The following GTF2IRD1 variants were observed in gnomAD, a reference collection of about 807,000 sequenced individuals.
The protein encoded by GTF2IRD1 is general transcription factor II-I repeat domain-containing protein 1.
Under a neutral mutation model 113.2 loss-of-function variants are expected in GTF2IRD1, and 26 were observed. The ratio of observed to expected loss-of-function variants is 0.23; its 90% CI spans 0.17 to 0.32. The LOEUF (loss-of-function observed/expected upper bound fraction) is 0.32. Ranked by LOEUF, GTF2IRD1 falls within the 10% of genes least tolerant of loss-of-function variation. The pLI is 1.00. For missense variants in GTF2IRD1, 864 were observed against 1,280.8 expected (o/e 0.67, Z 4.97); for synonymous variants, 484 against 529.1 (o/e 0.91, Z 1.17).
chr7:74,557,511 G>C, intron 19 of GTF2IRD1, 128 bp from the exon 20 acceptor site: 1 of 626,222 alleles, frequency 1.6e-6, no homozygotes, highest in South Asian at 2.0e-5. Flanking sequence ...GACCTGAGGG[G>C]CCCACTCCAA....
chr7:74,473,217 C>T (rs1305900324), intron 1 of GTF2IRD1, among the ~76,000 whole-genome samples: 1 of 152,198 alleles, frequency 6.6e-6, no homozygotes, highest in Non-Finnish European at 1.5e-5. Context: ...ACCAGAAGAG[C>T]TTCCTAAGGG....
chr7:74,519,015 A>G (rs1210359311), intron 5 of GTF2IRD1, among the ~76,000 whole-genome samples: 3 of 152,242 alleles, frequency 2.0e-5, no homozygotes, highest in Admixed American at 6.5e-5. Context: ...GGTCTGAGGC[A>G]GTACCAGTTG....
chr7:74,601,063 C>T lies in GTF2IRD1; in HGVS notation c.2649C>T (p.Pro883=). 6.2e-7 allele frequency: 1 copy of T among 1,614,196 alleles called. No homozygotes were observed. Residue 883 remains proline (P), a synonymous_variant, in exon 26 of 27, where the codon CCC becomes CCT. Coordinates refer to ENST00000424337, the MANE Select transcript of GTF2IRD1 (RefSeq NM_005685.4). Reference sequence around the variant, plus strand: ...TTCCAGCCAAAGACAGCAGCATTCCCAAGCGCAAGAGAAAGCGGGTCTCGG... The same window carrying T: ...TTCCAGCCAAAGACAGCAGCATTCCTAAGCGCAAGAGAAAGCGGGTCTCGG... The part of the protein sequence containing the change: ...AKVPAKDSSI[P]KRKRKRVSEG...
chr7:74,563,508 C>T (rs1302807852), intron 22 of GTF2IRD1, among the ~76,000 whole-genome samples: 6 of 151,304 alleles, frequency 4.0e-5, no homozygotes, highest in Non-Finnish European at 7.4e-5. Flanking sequence ...AACTTGAAGG[C>T]GGAGGTTGCA....
intron 1 of GTF2IRD1, among the ~76,000 whole-genome samples, chr7:74,457,086 A>G (rs1324874569): frequency 6.6e-6 from 1 of 151,602 alleles, no homozygotes; most frequent in Non-Finnish European, 1.5e-5. Flanking sequence ...GAACTCCTGG[A>G]CTCAAGCCAC....
chr7:74,518,075 C>T, intron 4 of GTF2IRD1, 64 bp from the exon 5 acceptor site: 2 of 1,227,912 alleles, frequency 1.6e-6, no homozygotes, highest in African/African-American at 1.5e-5. Context: ...TGGGGCACAG[C>T]AGCCCCGACC....
At chr7:74,558,599 T>G (rs1554358029) in intron 20 of GTF2IRD1, among the ~76,000 whole-genome samples, 1 of 151,962 alleles carries the variant, frequency 6.6e-6, no homozygotes, top group African/African-American at 2.4e-5. Context: ...CTCTTAGACT[T>G]AAGAGATCCT....
intron 1 of GTF2IRD1, among the ~76,000 whole-genome samples, chr7:74,477,343 G>A (rs1167905617): frequency 1.5e-4 from 18 of 121,570 alleles, no homozygotes; most frequent in Non-Finnish European, 2.7e-4. Flanking sequence ...CAGCCTGGGC[G>A]ACAGTTTTTT....
chr7:74,535,347 A>G (rs767279569), intron 10 of GTF2IRD1, among the ~76,000 whole-genome samples: 51 of 152,176 alleles, frequency 3.4e-4, no homozygotes, highest in Non-Finnish European at 6.5e-4. Flanking sequence ...CCCAGCTTCA[A>G]ATGCCCTGGA....
chr7:74,490,044 T>A (rs1795247807), intron 1 of GTF2IRD1, among the ~76,000 whole-genome samples: 1 of 151,956 alleles, frequency 6.6e-6, no homozygotes, highest in African/African-American at 2.4e-5. Flanking sequence ...CATAGCTCAT[T>A]GCAGCCTTGA....
intron 17 of GTF2IRD1, among the ~76,000 whole-genome samples, chr7:74,549,636 G>A (rs1257173774): frequency 6.6e-6 from 1 of 152,084 alleles, no homozygotes. Flanking sequence ...GTGTGTCTGG[G>A]CATATTAAAA....
At chr7:74,548,981 A>G (rs587691096) in intron 17 of GTF2IRD1, among the ~76,000 whole-genome samples, 25 of 152,208 alleles carry the variant, frequency 1.6e-4, no homozygotes, top group Non-Finnish European at 2.9e-4. Context: ...TTACTGTAAT[A>G]GCACATATTT....
intron 22 of GTF2IRD1, among the ~76,000 whole-genome samples, chr7:74,588,001 C>A (rs1554368366): frequency 6.6e-6 from 1 of 152,114 alleles, no homozygotes; most frequent in Non-Finnish European, 1.5e-5. Flanking sequence ...TGACACCGGC[C>A]CCTGTGCATG....
chr7:74,535,272 C>G, intron 10 of GTF2IRD1, 134 bp downstream of exon 10: 2 of 749,390 alleles, frequency 2.7e-6, no homozygotes, highest in Non-Finnish European at 4.9e-6. Flanking sequence ...GCTGTGGTTT[C>G]TGTGTCCTGG....
At position 74,512,760 on chromosome 7, in the gene GTF2IRD1, C is replaced by G; in HGVS notation, c.124-70C>G. On this transcript the variant is annotated intron_variant, in intron 2 of 26. Coordinates refer to ENST00000424337, the MANE Select transcript of GTF2IRD1 (RefSeq NM_005685.4). The surrounding 1 kb of genome is among the most constrained non-coding windows in gnomAD (Gnocchi z 4.4). ...GCAGCTGGGAGCTCACATCCCACCC[C>G]CGAAGTGGATACTAGAGGTGTTCGG... The G allele has an allele frequency of 1.3e-6, 2 of 1,489,072 alleles. No homozygotes were observed. The highest frequency in any genetic ancestry group is 1.2e-5 in the South Asian group (1 of 82,644). 92.2% of individuals were successfully genotyped at this position (1,489,072 alleles called of 1,614,324 possible).
intron 4 of GTF2IRD1, 74 bp from the exon 5 acceptor site, chr7:74,518,065 T>G (rs1371985983): frequency 9.1e-7 from 1 of 1,100,942 alleles, no homozygotes; most frequent in Non-Finnish European, 1.3e-6. Flanking sequence ...GCCCCCACTC[T>G]GGGGCACAGC....
intron 22 of GTF2IRD1, among the ~76,000 whole-genome samples, chr7:74,587,466 A>T (rs1801780301): frequency 6.6e-6 from 1 of 151,652 alleles, no homozygotes; most frequent in Admixed American, 6.6e-5. Flanking sequence ...AGAAAAAAAA[A>T]CAGGAGTCAT....
chr7:74,547,439 C>CTTTT (rs782144976), intron 17 of GTF2IRD1, among the ~76,000 whole-genome samples, 153 bp downstream of exon 17: 23 of 111,182 alleles, frequency 2.1e-4, no homozygotes, highest in African/African-American at 4.4e-4. Context: ...CATGCCCAGC[C>CTTTT]TTTTTTTTTT....
At chr7:74,519,334 G>A (rs587675350) in intron 5 of GTF2IRD1, 75 bp from the exon 6 acceptor site, 8 of 1,028,980 alleles carry the variant, frequency 7.8e-6, no homozygotes, top group East Asian at 2.7e-5. Flanking sequence ...GCAGGGATGC[G>A]GGGTTTTCGG....
Sources: allele counts gnomAD v4.1 joint callset (sites outside exome capture counted in the v4.1 genomes callset), GRCh38; gene constraint gnomAD v4.1.1; non-coding constraint Gnocchi (gnomAD v3.1); transcripts MANE v1.5; gene names NCBI Gene and HGNC (gene_info 2026-07-23, HGNC 2026-07-21).